FAM13A: variants seen among roughly 807,000 people sequenced by gnomAD.
FAM13A encodes family with sequence similarity 13 member A, also known as protein FAM13A.
A neutral mutation model predicts 129.6 loss-of-function variants in FAM13A; 76 were observed. The ratio of observed to expected loss-of-function variants is 0.59; its 90% CI spans 0.49 to 0.71. FAM13A has a LOEUF of 0.71. Among genes scored for constraint, FAM13A ranks in the 30% least tolerant of loss-of-function variants. FAM13A has a pLI of 0.00. For missense variants in FAM13A, 1,108 were observed against 1,249.3 expected, an observed-to-expected ratio of 0.89 and a Z score of 1.70; for synonymous variants, 443 against 449.9, an observed-to-expected ratio of 0.98 and a Z score of 0.20.
chr4:89,024,382 G>T (rs1335678892), intron 2 of FAM13A, among the ~76,000 whole-genome samples: 11 of 152,142 alleles, frequency 7.2e-5, no homozygotes, highest in Non-Finnish European at 4.4e-5. Flanking sequence ...AAGACTGTAT[G>T]CTTTATAAGT....
intron 6 of FAM13A, among the ~76,000 whole-genome samples, chr4:88,904,831 ATTTTGGAT>A (rs1747875014): frequency 6.6e-6 from 1 of 152,178 alleles, no homozygotes; most frequent in African/African-American, 2.4e-5. Context: ...AATTATCAGC[ATTTTGGAT>A]TTTTTCTTAC....
chr4:88,895,985 G>A (rs1363481079), intron 6 of FAM13A, among the ~76,000 whole-genome samples: 1 of 147,720 alleles, frequency 6.8e-6, no homozygotes, highest in Non-Finnish European at 1.5e-5. Context: ...GTTTATTGTG[G>A]CACTATTCAC....
chr4:88,754,885 T>C (rs1027222003), intron 14 of FAM13A, among the ~76,000 whole-genome samples: 1 of 152,156 alleles, frequency 6.6e-6, no homozygotes, highest in Non-Finnish European at 1.5e-5. Flanking sequence ...TGGAACAGGA[T>C]AGGGCTGAGG....
intron 13 of FAM13A, among the ~76,000 whole-genome samples, chr4:88,760,082 A>T (rs1744487559): frequency 6.6e-6 from 1 of 152,250 alleles, no homozygotes; most frequent in African/African-American, 2.4e-5. Context: ...GGAAATCATA[A>T]GTGATTTCAT....
Position 88,897,961 on chromosome 4 carries a change from C to A in FAM13A, c.843+8418G>T, listed in dbSNP as rs192528688. The stretch of plus-strand genomic sequence containing the variant: ...TCATCCATGTAAGGCCACAAAGAAG[C>A]TAGTCACAAACCAAGACTTAACCAA... On this transcript the variant is annotated intron_variant, in intron 6 of 23. Coordinates refer to ENST00000264344, the MANE Select transcript of FAM13A (RefSeq NM_014883.4). Among the ~76,000 whole-genome samples the A allele has an allele frequency of 2.2e-3, 338 of 152,210 alleles. 2 individuals carry two copies. Among genetic ancestry groups the A allele is most frequent in the African/African-American group, 7.5e-3 (312 of 41,530 alleles).
At chr4:88,732,832 T>C (rs1384844565) in intron 21 of FAM13A, among the ~76,000 whole-genome samples, 1 of 151,518 alleles carries the variant, frequency 6.6e-6, no homozygotes, top group East Asian at 1.9e-4. Flanking sequence ...CACATCTGTA[T>C]TTTTTGGCAT....
intron 10 of FAM13A, among the ~76,000 whole-genome samples, chr4:88,786,019 G>A (rs2149647416): frequency 6.6e-6 from 1 of 152,198 alleles, no homozygotes; most frequent in East Asian, 1.9e-4. Flanking sequence ...CATCTCCTTT[G>A]GTTCTCCTAA....
At chr4:88,819,055 T>C (rs1731377465) in intron 7 of FAM13A, among the ~76,000 whole-genome samples, 1 of 152,206 alleles carries the variant, frequency 6.6e-6, no homozygotes, top group African/African-American at 2.4e-5. Flanking sequence ...CTAATACATG[T>C]TTATTAATCG....
At chr4:88,954,170 ATAT>A (rs1757375039) in intron 4 of FAM13A, among the ~76,000 whole-genome samples, 1 of 152,236 alleles carries the variant, frequency 6.6e-6, no homozygotes, top group South Asian at 2.1e-4. Context: ...TCTACACATA[ATAT>A]TAATATGAGG....
intron 1 of FAM13A, among the ~76,000 whole-genome samples, chr4:89,032,153 G>C (rs2149134947): frequency 6.6e-6 from 1 of 152,138 alleles, no homozygotes; most frequent in Admixed American, 6.5e-5. Flanking sequence ...CTGAGGCTCG[G>C]AGAATGGCGT....
intron 19 of FAM13A, among the ~76,000 whole-genome samples, chr4:88,746,224 T>C (rs999182860): frequency 2.0e-5 from 3 of 152,196 alleles, no homozygotes; most frequent in Non-Finnish European, 2.9e-5. Flanking sequence ...CTGACAACAT[T>C]ATGAACAAAA....
At chr4:88,905,113 G>A (rs1747921640) in intron 6 of FAM13A, among the ~76,000 whole-genome samples, 1 of 152,070 alleles carries the variant, frequency 6.6e-6, no homozygotes, top group African/African-American at 2.4e-5. Flanking sequence ...TATTTCCTAT[G>A]TCAGAGGCTA....
At chr4:89,015,903 TATAC>T (rs1456222795) in intron 3 of FAM13A, among the ~76,000 whole-genome samples, 1 of 152,158 alleles carries the variant, frequency 6.6e-6, no homozygotes, top group East Asian at 1.9e-4. Context: ...TAGATACACA[TATAC>T]ATATACATAC....
chr4:88,911,238 C>T (rs745477004), intron 5 of FAM13A, among the ~76,000 whole-genome samples: 77 of 152,306 alleles, frequency 5.1e-4, no homozygotes, highest in Non-Finnish European at 9.3e-4. Context: ...ATTGCATTCA[C>T]CTCACAAAAG....
intron 6 of FAM13A, among the ~76,000 whole-genome samples, chr4:88,897,527 G>T (rs985579029): frequency 6.6e-6 from 1 of 152,204 alleles, no homozygotes; most frequent in African/African-American, 2.4e-5. Flanking sequence ...CATCTCCAGA[G>T]CTAATGGACA....
chr4:88,778,479 G>A (rs1722206809), intron 11 of FAM13A, among the ~76,000 whole-genome samples: 1 of 152,102 alleles, frequency 6.6e-6, no homozygotes, highest in African/African-American at 2.4e-5. Flanking sequence ...CAACTCCAGG[G>A]GGAACCATTC....
At chr4:89,042,548 A>G (rs999051856) in intron 1 of FAM13A, among the ~76,000 whole-genome samples, 2 of 152,188 alleles carry the variant, frequency 1.3e-5, no homozygotes, top group African/African-American at 4.8e-5. Flanking sequence ...ATTTATGTGC[A>G]TTGTAGATCC....
chr4:88,904,445 G>A (rs1747807444), intron 6 of FAM13A, among the ~76,000 whole-genome samples: 2 of 152,070 alleles, frequency 1.3e-5, no homozygotes, highest in Non-Finnish European at 2.9e-5. Context: ...CCATAAAGAG[G>A]AATGAGATCA....
rs1028255687 is a variant in FAM13A at position 88,790,607 on chromosome 4, C to T, written c.1070G>A (p.Ser357Asn). 19 of 1,608,874 alleles carry T rather than the reference C, an allele frequency of 1.2e-5. No individual in the cohort carries two copies. The highest frequency in any genetic ancestry group is 1.6e-5 in the Non-Finnish European group (19 of 1,177,742). The change falls in exon 9 of 24, where the codon AGC (serine) becomes AAC (asparagine). Residue 357 changes from serine to asparagine, a missense_variant. By Grantham distance (46) the Ser-to-Asn change is conservative. Coordinates refer to ENST00000264344, the MANE Select transcript of FAM13A (RefSeq NM_014883.4). ...TTACTCTCCGGTTGCAGACACATTG[C>T]TGACTTGGGGTACATGAGCACTGCA... ...FYLSAHVPQV[S>N]NVSATGELLE...
Sources: allele counts gnomAD v4.1 joint callset (sites outside exome capture counted in the v4.1 genomes callset), GRCh38; gene constraint gnomAD v4.1.1; transcripts MANE v1.5; gene names NCBI Gene and HGNC (gene_info 2026-07-23, HGNC 2026-07-21).